The following CNTN4 variants were observed in gnomAD, a reference collection of about 807,000 sequenced individuals.
CNTN4 encodes the protein contactin-4.
In CNTN4, 77 loss-of-function variants were observed where a neutral mutation model predicts 122.5. The observed-to-expected ratio is 0.63, with a 90% confidence interval of 0.52 to 0.76. The LOEUF is 0.76. Ranked by LOEUF, CNTN4 falls within the 30% of genes least tolerant of loss-of-function variation. CNTN4 has a pLI of 0.00. For missense variants in CNTN4, 1,256 were observed against 1,259.1 expected (o/e 1.00, Z 0.04); for synonymous variants, 512 against 447.0 (o/e 1.15, Z -1.83).
chr3:3,053,535 G>A (rs1701479764), intron 23 of CNTN4, among the ~76,000 whole-genome samples: 1 of 152,226 alleles, frequency 6.6e-6, no homozygotes, highest in Admixed American at 6.5e-5. Flanking sequence ...TTTCCCAAGA[G>A]TGTCAACTGA....
intron 3 of CNTN4, among the ~76,000 whole-genome samples, chr3:2,371,618 T>C (rs6795931): frequency 0.66 from 100,382 of 152,068 alleles, 33,575 homozygotes; most frequent in Middle Eastern, 0.74. Context: ...GTTTTTGTAT[T>C]TCTTTTATTA....
intron 2 of CNTN4, among the ~76,000 whole-genome samples, chr3:2,103,194 T>G (rs954339479): frequency 6.6e-6 from 1 of 151,830 alleles, no homozygotes; most frequent in East Asian, 1.9e-4. Context: ...TTTTTTTTTT[T>G]GCTTTTGCCT....
chr3:2,704,181 C>T (rs1336524649), intron 4 of CNTN4, among the ~76,000 whole-genome samples: 1 of 151,544 alleles, frequency 6.6e-6, no homozygotes, highest in East Asian at 1.9e-4. Context: ...CCTGTAGTCC[C>T]CAGTACTCGG....
chr3:2,710,901 G>T (rs142990178), intron 4 of CNTN4, among the ~76,000 whole-genome samples: 1 of 152,072 alleles, frequency 6.6e-6, no homozygotes, highest in Admixed American at 6.5e-5. Flanking sequence ...CTTTTTTAAC[G>T]TACAGCATGA....
chr3:2,301,512 T>G (rs11707650), intron 2 of CNTN4, among the ~76,000 whole-genome samples: 9 of 152,178 alleles, frequency 5.9e-5, no homozygotes, highest in Non-Finnish European at 8.8e-5. Context: ...GACCACAGAA[T>G]TCTTGTTCTT....
intron 4 of CNTN4, among the ~76,000 whole-genome samples, chr3:2,581,837 G>A (rs1424602947): frequency 6.6e-6 from 1 of 152,204 alleles, no homozygotes; most frequent in East Asian, 1.9e-4. Flanking sequence ...AGGAAGTACT[G>A]ATACTACAAC....
intron 3 of CNTN4, among the ~76,000 whole-genome samples, chr3:2,400,095 A>C (rs1413267186): frequency 6.6e-6 from 1 of 151,932 alleles, no homozygotes; most frequent in African/African-American, 2.4e-5. Context: ...CTATAGGTGG[A>C]TATCAGTCCT....
chr3:2,409,065 A>G (rs2047135534), intron 3 of CNTN4, among the ~76,000 whole-genome samples: 1 of 152,186 alleles, frequency 6.6e-6, no homozygotes, highest in Non-Finnish European at 1.5e-5. Context: ...TTGAAGGAAG[A>G]TGAACAATAG....
chr3:2,421,040 G>A (rs920388096), intron 3 of CNTN4, among the ~76,000 whole-genome samples: 2 of 152,098 alleles, frequency 1.3e-5, no homozygotes, highest in Non-Finnish European at 2.9e-5. Context: ...CTCAAACTAA[G>A]ACACACCCCA....
At chr3:2,394,359 T>C (rs1397250582) in intron 3 of CNTN4, among the ~76,000 whole-genome samples, 4 of 152,102 alleles carry the variant, frequency 2.6e-5, no homozygotes, top group Non-Finnish European at 5.9e-5. Context: ...TCAAAGATAA[T>C]TGAGACTTAT....
intron 3 of CNTN4, among the ~76,000 whole-genome samples, chr3:2,379,604 G>T (rs1262975154): frequency 6.6e-6 from 1 of 152,114 alleles, no homozygotes; most frequent in Non-Finnish European, 1.5e-5. Flanking sequence ...GTCAGGGATA[G>T]GAGATATCAT....
Position 2,847,205 on chromosome 3 carries a change from G to T in CNTN4, c.455-19547G>T, listed in dbSNP as rs1470230040. 2.0e-5 allele frequency among the ~76,000 whole-genome samples: 3 copies of T among 150,596 alleles called. 1 individual carries two copies. The South Asian group carries it at 6.3e-4, about 32-fold the overall frequency. ...ATAGACTTGGCAGTTTTTTCTAATA[G>T]CTAAACTGTGACCTTGGCACCCATC... On this transcript the variant is annotated intron_variant, in intron 7 of 24. Transcript: ENST00000418658.
chr3:2,771,728 T>A (rs191044365), intron 6 of CNTN4, among the ~76,000 whole-genome samples: 2 of 152,272 alleles, frequency 1.3e-5, no homozygotes, highest in South Asian at 2.1e-4. Flanking sequence ...TCTTGTACTT[T>A]AGTGGAAGAG....
At chr3:2,469,310 C>T (rs1469165683) in intron 3 of CNTN4, among the ~76,000 whole-genome samples, 2 of 152,154 alleles carry the variant, frequency 1.3e-5, no homozygotes, top group Non-Finnish European at 2.9e-5. Flanking sequence ...GCTATTCAGA[C>T]TAAGAAAACA....
chr3:2,547,983 CT>C, intron 3 of CNTN4, among the ~76,000 whole-genome samples: 1 of 152,088 alleles, frequency 6.6e-6, no homozygotes, highest in Non-Finnish European at 1.5e-5. Flanking sequence ...CCTTTGCCCA[CT>C]TTTTGATGAG....
At chr3:2,761,383 A>C (rs1038264228) in intron 6 of CNTN4, among the ~76,000 whole-genome samples, 6 of 151,794 alleles carry the variant, frequency 4.0e-5, no homozygotes, top group African/African-American at 1.5e-4. Context: ...GAATTATTTA[A>C]GTTACATAGT....
chr3:2,537,563 T>C (rs528824285), intron 3 of CNTN4, among the ~76,000 whole-genome samples: 6 of 152,232 alleles, frequency 3.9e-5, no homozygotes, highest in African/African-American at 1.4e-4. Flanking sequence ...ACTGTTCACA[T>C]TATTTGTCAT....
chr3:2,441,345 T>A (rs924688138), intron 3 of CNTN4, among the ~76,000 whole-genome samples: 41 of 152,324 alleles, frequency 2.7e-4, no homozygotes, highest in Non-Finnish European at 5.4e-4. Context: ...AGGACAGGTA[T>A]CTTATTTAAG....
rs58263438 is a variant in CNTN4, at chr3:2,515,884, T to TA, written c.-88-55530dup. Among the ~76,000 whole-genome samples the TA allele has an allele frequency of 8.2e-3, 1,251 of 151,928 alleles. 20 individuals are homozygous for TA. The highest frequency in any genetic ancestry group is 0.028 in the African/African-American group (1,175 of 41,304). ...TGGAATGGCACAAAAATTTACGGAC[T>TA]AATATTTTACTGTACAGTTGACTAT... is the stretch of plus-strand genomic sequence containing the variant. On this transcript the variant is annotated intron_variant, in intron 3 of 24. Transcript: ENST00000418658.
Sources: allele counts gnomAD v4.1 joint callset (sites outside exome capture counted in the v4.1 genomes callset), GRCh38; gene constraint gnomAD v4.1.1; transcripts MANE v1.5; gene names NCBI Gene and HGNC (gene_info 2026-07-23, HGNC 2026-07-21).